KCNMA1: variants seen among roughly 807,000 people sequenced by gnomAD.
The protein encoded by KCNMA1 is potassium calcium-activated channel subfamily M alpha 1.
Under a neutral mutation model 140.0 loss-of-function variants are expected in KCNMA1, and 29 were observed. That is an observed-to-expected ratio of 0.21 (90% confidence interval 0.15 to 0.28). The LOEUF is 0.28. KCNMA1 is among the 10% of genes least tolerant of loss of function. The pLI is 1.00. For missense variants in KCNMA1, 880 were observed against 1,602.2 expected (o/e 0.55, Z 7.70); for synonymous variants, 612 against 611.9 (o/e 1.00, Z 0.00).
intron 2 of KCNMA1, among the ~76,000 whole-genome samples, chr10:77,390,604 C>T (rs199693290): frequency 6.6e-6 from 1 of 152,204 alleles, no homozygotes; most frequent in East Asian, 1.9e-4. Context: ...AGGCATAACA[C>T]CAGGCAGAGG....
chr10:77,049,742 T>C (rs1468406090), intron 14 of KCNMA1, among the ~76,000 whole-genome samples: 1 of 152,188 alleles, frequency 6.6e-6, no homozygotes, highest in Non-Finnish European at 1.5e-5. Flanking sequence ...CGTTTAGTGT[T>C]GGGGCATGAA....
At chr10:76,956,133 G>A (rs2068184110) in intron 20 of KCNMA1, among the ~76,000 whole-genome samples, 1 of 152,278 alleles carries the variant, frequency 6.6e-6, no homozygotes, top group Admixed American at 6.5e-5. Context: ...ATTTTGGTTT[G>A]GTATACTTGA....
intron 1 of KCNMA1, among the ~76,000 whole-genome samples, chr10:77,423,494 A>C (rs1298160498): frequency 2.6e-5 from 4 of 152,192 alleles, no homozygotes; most frequent in African/African-American, 9.7e-5. Flanking sequence ...TTGGGCAGAC[A>C]TAGTCCTGTG....
intron 2 of KCNMA1, among the ~76,000 whole-genome samples, chr10:77,265,331 C>A (rs746348155): frequency 6.6e-6 from 1 of 152,194 alleles, no homozygotes; most frequent in Non-Finnish European, 1.5e-5. Context: ...GGATTACAGG[C>A]GTGAGCCACT....
At chr10:77,368,915 G>A (rs1390968836) in intron 2 of KCNMA1, among the ~76,000 whole-genome samples, 1 of 152,172 alleles carries the variant, frequency 6.6e-6, no homozygotes, top group African/African-American at 2.4e-5. Context: ...TTGCCAATAT[G>A]ACACTGTCTT....
chr10:77,575,095 C>T (rs1486874201), intron 1 of KCNMA1, among the ~76,000 whole-genome samples: 1 of 152,254 alleles, frequency 6.6e-6, no homozygotes, highest in East Asian at 1.9e-4. Flanking sequence ...TGGGCAGTGG[C>T]ATAGCAAAGG....
At chr10:77,576,531 C>T (rs970473915) in intron 1 of KCNMA1, among the ~76,000 whole-genome samples, 16 of 126,054 alleles carry the variant, frequency 1.3e-4, no homozygotes, top group Non-Finnish European at 2.9e-4. Flanking sequence ...ATTTAAGTCC[C>T]CTCCACTGGA....
At chr10:77,311,345 G>A (rs1227835942) in intron 2 of KCNMA1, among the ~76,000 whole-genome samples, 1 of 152,158 alleles carries the variant, frequency 6.6e-6, no homozygotes, top group Non-Finnish European at 1.5e-5. Flanking sequence ...GCCAGTTGGG[G>A]AGAGCGAACT....
At chr10:77,222,554 C>T (rs1017218202) in intron 3 of KCNMA1, among the ~76,000 whole-genome samples, 2 of 152,146 alleles carry the variant, frequency 1.3e-5, no homozygotes, top group African/African-American at 2.4e-5. Flanking sequence ...TGGGTCAGTT[C>T]GCTGCTCTGG....
chr10:77,063,756 A>G (rs1261601870), intron 14 of KCNMA1: 27 of 985,272 alleles, frequency 2.7e-5, no homozygotes, highest in Non-Finnish European at 3.1e-5. Flanking sequence ...AGTGGATGGC[A>G]CTCAAAAAAC....
chr10:77,400,683 A>C (rs565818543), intron 2 of KCNMA1, among the ~76,000 whole-genome samples: 1 of 152,340 alleles, frequency 6.6e-6, no homozygotes, highest in South Asian at 2.1e-4. Flanking sequence ...ACTGTAAAAC[A>C]GAGATGAATT....
At chr10:77,542,597 C>T (rs905168073) in intron 1 of KCNMA1, among the ~76,000 whole-genome samples, 22 of 152,186 alleles carry the variant, frequency 1.4e-4, no homozygotes, top group Admixed American at 6.5e-4. Context: ...TTAAAAGATA[C>T]GCAGGGAGGC....
At chr10:77,594,348 C>T (rs555982672) in intron 1 of KCNMA1, among the ~76,000 whole-genome samples, 1 of 152,322 alleles carries the variant, frequency 6.6e-6, no homozygotes, top group South Asian at 2.1e-4. Flanking sequence ...AATTTCCCCT[C>T]GCTAAGCAGC....
At chr10:77,436,097 T>C (rs1424021031) in intron 1 of KCNMA1, among the ~76,000 whole-genome samples, 2 of 152,198 alleles carry the variant, frequency 1.3e-5, no homozygotes, top group Admixed American at 6.5e-5. Context: ...AAAGGCTGAA[T>C]TGGATCCCCA....
chr10:77,528,375 G>A lies in KCNMA1; in HGVS notation c.378+108890C>T, dbSNP rs991263643. On this transcript the variant is annotated intron_variant, in intron 1 of 27. Coordinates refer to ENST00000286628, the MANE Select transcript of KCNMA1 (RefSeq NM_001161352.2). ...TGTAATCCCAGTACTTTGGGAGGCC[G>A]AGGCAGGCAGATCACCTGAGGTCAG... Among the ~76,000 whole-genome samples the A allele has an allele frequency of 2.6e-5, 4 of 152,126 alleles. 1 individual carries two copies. The highest frequency in any genetic ancestry group is 4.1e-4 in the South Asian group (2 of 4,826).
intron 1 of KCNMA1, among the ~76,000 whole-genome samples, chr10:77,620,320 C>T (rs906881737): frequency 6.6e-6 from 1 of 152,192 alleles, no homozygotes; most frequent in African/African-American, 2.4e-5. Context: ...AGCACAAGGC[C>T]ATCCTGGGCC....
intron 1 of KCNMA1, among the ~76,000 whole-genome samples, chr10:77,540,959 C>T (rs1400814294): frequency 1.3e-5 from 2 of 151,020 alleles, no homozygotes; most frequent in East Asian, 2.0e-4. Context: ...GAGCCAAGAT[C>T]GCACCACTGC....
chr10:77,002,028 C>T (rs1030517221), intron 18 of KCNMA1, among the ~76,000 whole-genome samples: 1 of 152,038 alleles, frequency 6.6e-6, no homozygotes, highest in African/African-American at 2.4e-5. Context: ...TTGCAAGATG[C>T]AAAAATATCT....
intron 1 of KCNMA1, among the ~76,000 whole-genome samples, chr10:77,565,563 G>A (rs1220591409): frequency 3.3e-5 from 5 of 152,270 alleles, no homozygotes; most frequent in Middle Eastern, 3.4e-3. Context: ...GGGCAGCCTC[G>A]GTTCCAGGGC....
Sources: allele counts gnomAD v4.1 joint callset (sites outside exome capture counted in the v4.1 genomes callset), GRCh38; gene constraint gnomAD v4.1.1; transcripts MANE v1.5; gene names NCBI Gene and HGNC (gene_info 2026-07-23, HGNC 2026-07-21).